The following ACOXL variants were observed in gnomAD, a reference collection of about 807,000 sequenced individuals.
The protein encoded by ACOXL is acyl-coenzyme A oxidase-like protein.
ACOXL carries 70 observed loss-of-function variants against 71.9 expected under a neutral mutation model. The ratio of observed to expected loss-of-function variants is 0.97; its 90% CI spans 0.80 to 1.19. The LOEUF is 1.19. Ranked by LOEUF, ACOXL falls within the 50% of genes most tolerant of loss-of-function variation. The pLI, the probability that ACOXL is intolerant of heterozygous loss-of-function variation, is 0.00. For synonymous variants in ACOXL, 253 were observed against 281.6 expected (o/e 0.90, Z 1.02); for missense variants, 703 against 736.3 (o/e 0.95, Z 0.52).
chr2:110,836,123 G>A (rs1319684384), intron 9 of ACOXL, among the ~76,000 whole-genome samples: 1 of 152,204 alleles, frequency 6.6e-6, no homozygotes, highest in East Asian at 1.9e-4. Context: ...GCTGTGGTGG[G>A]TGTGATAGGG....
chr2:110,876,801 T>C (rs999586155), intron 10 of ACOXL, among the ~76,000 whole-genome samples: 24 of 152,210 alleles, frequency 1.6e-4, no homozygotes, highest in Admixed American at 5.2e-4. Context: ...GCCCCCTAGG[T>C]GCCAAACCCT....
intron 12 of ACOXL, chr2:110,968,777 G>GAA (rs2062045472): frequency 1.4e-5 from 2 of 140,194 alleles, no homozygotes; most frequent in African/African-American, 8.0e-5. Flanking sequence ...CTTATGGACA[G>GAA]CAAAAAAAAA....
At chr2:110,863,008 C>T (rs574881509) in intron 10 of ACOXL, among the ~76,000 whole-genome samples, 32 of 152,234 alleles carry the variant, frequency 2.1e-4, no homozygotes, top group African/African-American at 6.7e-4. Flanking sequence ...CCTGAGTAAC[C>T]GAGTAGGTGT....
At chr2:111,025,326 G>C (rs1189836091) in intron 14 of ACOXL, among the ~76,000 whole-genome samples, 7 of 152,112 alleles carry the variant, frequency 4.6e-5, no homozygotes, top group Non-Finnish European at 4.4e-5. Flanking sequence ...ATATGTTTTT[G>C]TTTATCTTGT....
chr2:110,890,302 A>G (rs1037673669), intron 10 of ACOXL, among the ~76,000 whole-genome samples: 10 of 146,828 alleles, frequency 6.8e-5, no homozygotes, highest in African/African-American at 2.5e-4. Flanking sequence ...CTTGATGACG[A>G]CATCCTTGGA....
chr2:111,090,912 C>T (rs1221129852), intron 16 of ACOXL, among the ~76,000 whole-genome samples: 3 of 152,152 alleles, frequency 2.0e-5, no homozygotes, highest in Non-Finnish European at 2.9e-5. Context: ...ATGGAATCCT[C>T]GCCTTTTGGA....
intron 12 of ACOXL, among the ~76,000 whole-genome samples, chr2:110,982,760 C>T (rs567863204): frequency 1.4e-4 from 21 of 152,198 alleles, no homozygotes; most frequent in Admixed American, 1.4e-3. Context: ...TTTTGGTGTC[C>T]AAATACAAAT....
At chr2:111,009,140 C>T (rs769169454) in intron 14 of ACOXL, among the ~76,000 whole-genome samples, 1 of 151,998 alleles carries the variant, frequency 6.6e-6, no homozygotes, top group Non-Finnish European at 1.5e-5. Context: ...CTTTAACTCA[C>T]AGAAAAAGCC....
At chr2:111,004,873 G>A (rs1558857072) in intron 14 of ACOXL, among the ~76,000 whole-genome samples, 1 of 152,110 alleles carries the variant, frequency 6.6e-6, no homozygotes, top group Non-Finnish European at 1.5e-5. Flanking sequence ...TGTTTGTTAG[G>A]TTTTTACAAA....
At chr2:110,734,582 A>T (rs886286439) in intron 1 of ACOXL, among the ~76,000 whole-genome samples, 5 of 151,988 alleles carry the variant, frequency 3.3e-5, no homozygotes, top group African/African-American at 7.3e-5. Context: ...CCTAAAATCA[A>T]TGTTTGTGAA....
chr2:111,091,242 A>G (rs1159184095), intron 16 of ACOXL, among the ~76,000 whole-genome samples: 3 of 152,138 alleles, frequency 2.0e-5, no homozygotes, highest in Non-Finnish European at 4.4e-5. Flanking sequence ...GTACTGCACT[A>G]TCTCTTAGGG....
chr2:110,768,711 C>T (rs1029635574), intron 2 of ACOXL, among the ~76,000 whole-genome samples: 8 of 152,300 alleles, frequency 5.3e-5, no homozygotes, highest in African/African-American at 1.9e-4. Context: ...CCACCCTCCT[C>T]TCTCAAGTAG....
At chr2:111,107,783 C>T (rs901135843) in intron 17 of ACOXL, among the ~76,000 whole-genome samples, 6 of 152,160 alleles carry the variant, frequency 3.9e-5, no homozygotes, top group Admixed American at 6.5e-5. Flanking sequence ...TCACCACGCC[C>T]GGCCTTTGAC....
chr2:111,013,241 G>T (rs57037141), intron 14 of ACOXL, among the ~76,000 whole-genome samples: 8,538 of 152,054 alleles, frequency 0.056, 421 homozygotes, highest in South Asian at 0.13. Flanking sequence ...AAAAAAAATG[G>T]GGGCCAGGTG....
intron 7 of ACOXL, 144 bp downstream of exon 7, chr2:110,799,244 C>CTCATGAAG: frequency 1.4e-6 from 1 of 733,716 alleles, no homozygotes; most frequent in East Asian, 2.7e-5. Context: ...ATTTTGAAGC[C>CTCATGAAG]TCATGAAGTC....
chr2:110,741,318 T>C (rs1229914477), intron 1 of ACOXL, among the ~76,000 whole-genome samples: 1 of 152,138 alleles, frequency 6.6e-6, no homozygotes, highest in Non-Finnish European at 1.5e-5. Flanking sequence ...TCGGCAGGGT[T>C]GGTTGCTTCT....
chr2:110,738,023 C>T (rs1212136361), intron 1 of ACOXL, among the ~76,000 whole-genome samples: 1 of 152,188 alleles, frequency 6.6e-6, no homozygotes, highest in African/African-American at 2.4e-5. Context: ...TGACAGTTTC[C>T]AGGCTCAGGC....
In ACOXL at chr2:111,117,740, T is replaced by TC. The variant is rs753693439; in HGVS notation, c.1668dup (p.Tyr557LeufsTer84). The TC allele has an allele frequency of 3.2e-5, 49 of 1,551,512 alleles. No individual in the cohort carries two copies. The highest frequency in any genetic ancestry group is 1.4e-5 in the African/African-American group (1 of 73,052). On this transcript the variant is annotated frameshift_variant, in exon 18 of 18. Coordinates refer to ENST00000439055, the MANE Select transcript of ACOXL (RefSeq NM_001142807.4). LOFTEE classifies it low-confidence loss of function (END_TRUNC). Reference sequence around the variant, plus strand: ...TCCAACCCGCGGGCCGCGTGGGCTTTCTACCCTGCACCGCTGCAGCCGCGG... The same window carrying TC: ...TCCAACCCGCGGGCCGCGTGGGCTTTCCTACCCTGCACCGCTGCAGCCGCGG...
rs139201740 is a variant in ACOXL, at chr2:110,943,765, G to A, written c.1059+10123G>A. Among the ~76,000 whole-genome samples the A allele has an allele frequency of 2.0e-3, 305 of 152,228 alleles. 2 individuals are homozygous for A. Among genetic ancestry groups the A allele is most frequent in the African/African-American group, 7.2e-3 (297 of 41,492 alleles). ...GCTAATGAAAAGGCAGCTTATTGCCGTAGCAGACACAGCATATTTAGGGCC... is the reference window on the plus strand; with the variant it reads ...GCTAATGAAAAGGCAGCTTATTGCCATAGCAGACACAGCATATTTAGGGCC... On this transcript the variant is annotated intron_variant, in intron 12 of 17. Transcript: ENST00000439055.
Sources: allele counts gnomAD v4.1 joint callset (sites outside exome capture counted in the v4.1 genomes callset), GRCh38; gene constraint gnomAD v4.1.1; transcripts MANE v1.5; gene names NCBI Gene and HGNC (gene_info 2026-07-23, HGNC 2026-07-21).